Variants in COL4A4 observed in about 807,000 individuals in gnomAD.
COL4A4 encodes the protein collagen alpha-4(IV) chain.
A neutral mutation model predicts 192.9 loss-of-function variants in COL4A4; 105 were observed. The observed-to-expected ratio is 0.54, with a 90% confidence interval of 0.46 to 0.64. The LOEUF is 0.64. Among genes scored for constraint, COL4A4 ranks in the 30% least tolerant of loss-of-function variants. The pLI, the probability that COL4A4 is intolerant of heterozygous loss-of-function variation, is 0.00. For synonymous variants in COL4A4, 762 were observed against 769.9 expected, an observed-to-expected ratio of 0.99 and a Z score of 0.17; for missense variants, 1,967 against 2,169.3, an observed-to-expected ratio of 0.91 and a Z score of 1.85.
chr2:227,032,136 G>C lies in COL4A4; in HGVS notation c.3706+12C>G. ...AGTTATTGAAAGAAGGGCAAAGCAT[G>C]CTACAGCTTACCTGGGGGTCCTGGG... is the stretch of plus-strand genomic sequence containing the variant. On this transcript the variant is annotated intron_variant, in intron 39 of 47. Transcript: ENST00000396625. 2 of 1,614,208 alleles carry C rather than the reference G, an allele frequency of 1.2e-6. No individual in the cohort carries two copies. Among genetic ancestry groups the C allele is most frequent in the Non-Finnish European group, 1.7e-6 (2 of 1,180,034 alleles).
rs144291791 is a variant in COL4A4 at position 227,071,687 on chromosome 2, G to C, written c.1987+6207C>G. On this transcript the variant is annotated intron_variant, in intron 25 of 47. Transcript: ENST00000396625. Reference sequence around the variant, plus strand: ...CAATAAATTTTTTAAAACTGAAATTGTATCAAGTATCTTCTCAGACCACAG... The same window carrying C: ...CAATAAATTTTTTAAAACTGAAATTCTATCAAGTATCTTCTCAGACCACAG... Among the ~76,000 whole-genome samples the C allele has an allele frequency of 2.3e-3, 354 of 152,140 alleles. 2 individuals carry two copies. Among genetic ancestry groups the C allele is most frequent in the African/African-American group, 8.3e-3 (346 of 41,540 alleles).
intron 1 of COL4A4, among the ~76,000 whole-genome samples, chr2:227,148,863 C>T (rs1169211514): frequency 2.7e-4 from 39 of 143,666 alleles, no homozygotes; most frequent in African/African-American, 9.1e-4. Context: ...TTTTCTGAGA[C>T]GGGGTTTTGC....
At chr2:227,147,366 G>A in intron 2 of COL4A4, 47 bp downstream of exon 2, 1 of 1,543,200 alleles carries the variant, frequency 6.5e-7, no homozygotes, top group Non-Finnish European at 9.0e-7. Context: ...CAAACATTGA[G>A]TAGAAATTAC....
At chr2:227,000,770 CATGGGAGGGGACTCG>C (rs1960732846), downstream of COL4A4, among the ~76,000 whole-genome samples, 1 of 151,770 alleles carries the variant, frequency 6.6e-6, no homozygotes, top group Non-Finnish European at 1.5e-5. Context: ...TCCCACGTGT[CATGGGAGGGGACTCG>C]GTGGGAGGTC....
chr2:227,066,371 C>A (rs529774666), intron 25 of COL4A4, among the ~76,000 whole-genome samples: 1 of 151,766 alleles, frequency 6.6e-6, no homozygotes, highest in East Asian at 1.9e-4. Context: ...GAGAACGCCA[C>A]AAAGATACTC....
intron 25 of COL4A4, among the ~76,000 whole-genome samples, chr2:227,066,794 A>G (rs2058369362): frequency 1.3e-5 from 2 of 152,088 alleles, no homozygotes; most frequent in South Asian, 4.2e-4. Flanking sequence ...GAGACTAGGA[A>G]GAAACTGCAT....
At chr2:227,039,718 C>A (rs1023347687) in intron 37 of COL4A4, among the ~76,000 whole-genome samples, 2 of 152,078 alleles carry the variant, frequency 1.3e-5, no homozygotes, top group Non-Finnish European at 2.9e-5. Flanking sequence ...TGGTTCTTTA[C>A]CAACTGTCTT....
chr2:226,968,947 A>G, the COL4A4 span: 9 of 156,698 alleles, frequency 5.7e-5, no homozygotes, highest in African/African-American at 1.2e-4. Context: ...AAACAGTTAA[A>G]CATTGTGAAT....
At chr2:227,012,318 C>G (rs775977157) in intron 44 of COL4A4, 21 bp from the exon 45 acceptor site, 1 of 1,595,378 alleles carries the variant, frequency 6.3e-7, no homozygotes, top group East Asian at 2.2e-5. Flanking sequence ...GTTTATGATG[C>G]TGGTGGTGAA....
chr2:227,011,006 A>G (rs1425120195), intron 45 of COL4A4, among the ~76,000 whole-genome samples: 2 of 152,118 alleles, frequency 1.3e-5, no homozygotes, highest in East Asian at 1.9e-4. Flanking sequence ...GAGAAAGCCA[A>G]AGGCTTGGGA....
At chr2:227,131,730 C>T (rs1263776966) in intron 4 of COL4A4, among the ~76,000 whole-genome samples, 2 of 152,232 alleles carry the variant, frequency 1.3e-5, no homozygotes, top group South Asian at 4.1e-4. Flanking sequence ...TGAAGAGTTT[C>T]TCCTGGGTGA....
intron 25 of COL4A4, among the ~76,000 whole-genome samples, chr2:227,071,940 A>G (rs1196791782): frequency 6.6e-6 from 1 of 152,114 alleles, no homozygotes; most frequent in Admixed American, 6.6e-5. Context: ...GCCTACATCA[A>G]AAAGTCTGAA....
At chr2:227,000,385 AGACT>A (rs1204313147), downstream of COL4A4, among the ~76,000 whole-genome samples, 5 of 152,364 alleles carry the variant, frequency 3.3e-5, no homozygotes, top group Admixed American at 2.6e-4. Context: ...CATGTAAAGC[AGACT>A]GACTGCTTGG....
the COL4A4 span, among the ~76,000 whole-genome samples, chr2:226,974,995 G>A: frequency 2.2e-4 from 34 of 152,310 alleles, no homozygotes; most frequent in East Asian, 5.4e-3. Flanking sequence ...ACGTGAATCA[G>A]CAGCAGTGAC....
At chr2:227,163,213 C>T (rs1024269844) in intron 1 of COL4A4, among the ~76,000 whole-genome samples, 4 of 152,208 alleles carry the variant, frequency 2.6e-5, no homozygotes, top group Non-Finnish European at 5.9e-5. Context: ...ATGTCCTTCC[C>T]TTATGAGCAC....
chr2:227,034,857 A>G (rs1273012907), intron 37 of COL4A4, among the ~76,000 whole-genome samples: 1 of 149,446 alleles, frequency 6.7e-6, no homozygotes, highest in African/African-American at 2.5e-5. Flanking sequence ...GAGAATGATG[A>G]TTTCCAATTT....
intron 26 of COL4A4, among the ~76,000 whole-genome samples, chr2:227,061,539 G>A (rs547187882): frequency 6.6e-6 from 1 of 152,300 alleles, no homozygotes; most frequent in East Asian, 1.9e-4. Flanking sequence ...TCTTAGATCA[G>A]CTAAACCCAA....
At chr2:227,041,901 A>AG (rs1971494060) in intron 37 of COL4A4, among the ~76,000 whole-genome samples, 1 of 150,506 alleles carries the variant, frequency 6.6e-6, no homozygotes, top group South Asian at 2.1e-4. Flanking sequence ...AAAGAAAGAA[A>AG]GAAAGAAAGA....
intron 4 of COL4A4, among the ~76,000 whole-genome samples, chr2:227,136,905 T>C (rs1272094625): frequency 8.3e-6 from 1 of 120,360 alleles, no homozygotes; most frequent in East Asian, 2.1e-4. Flanking sequence ...TAGTCCCCCG[T>C]GAGCTGTCAC....
Sources: gnomAD v4.1 joint callset for allele counts (sites outside exome capture counted in the v4.1 genomes callset) on GRCh38, gnomAD v4.1.1 for gene constraint, MANE v1.5 for transcripts, NCBI Gene and HGNC (gene_info 2026-07-23, HGNC 2026-07-21) for gene names.